The following FREM1 variants were observed in gnomAD, a reference collection of about 807,000 sequenced individuals.
FREM1 encodes the protein FRAS1-related extracellular matrix protein 1.
In FREM1, 220 loss-of-function variants were observed where a neutral mutation model predicts 210.1. The observed-to-expected ratio is 1.05, with a 90% CI of 0.94 to 1.17. The LOEUF (loss-of-function observed/expected upper bound fraction) is 1.17. Ranked by LOEUF, FREM1 falls within the 50% of genes most tolerant of loss-of-function variation. FREM1 has a pLI of 0.00. For synonymous variants in FREM1, 1,189 were observed against 980.2 expected (o/e 1.21, Z -3.98); for missense variants, 3,454 against 2,675.5 (o/e 1.29, Z -6.42).
rs776264847 is a variant in FREM1 at position 14,769,809 on chromosome 9, T to C, written c.5119A>G (p.Ile1707Val). Reference sequence around the variant, plus strand: ...TTTACTTCCAAAGATGGGTTTATGATGTAAAGAATAGTCTTACTGTTTAAG... The same window carrying C: ...TTTACTTCCAAAGATGGGTTTATGACGTAAAGAATAGTCTTACTGTTTAAG... ...KDLNSKTILY[I>V]INPSLEVNSD... Residue 1707 changes from isoleucine (I) to valine (V), a missense_variant, in exon 27 of 37, where the codon ATC becomes GTC. Coordinates refer to ENST00000380880, the MANE Select transcript of FREM1 (RefSeq NM_001379081.2). 47 of 1,609,304 alleles carry C rather than the reference T, an allele frequency of 2.9e-5. No homozygotes were observed. Among genetic ancestry groups the C allele is most frequent in the Non-Finnish European group, 4.0e-5 (47 of 1,176,404 alleles).
rs59827471 is a variant in FREM1, at chr9:14,886,895, CAAAAAAAAAA to C, written c.-267-17661_-267-17652del. ...GAAGTGAGACAGTGAGACCTTGTTT[CAAAAAAAAAA>C]AAAAAAAAAAAAAAGAAGCTATCAA... On this transcript the variant is annotated intron_variant, in intron 1 of 36. Coordinates refer to ENST00000380880, the MANE Select transcript of FREM1 (RefSeq NM_001379081.2). Among the ~76,000 whole-genome samples, 61 of 95,484 alleles carry C rather than the reference CAAAAAAAAAA, an allele frequency of 6.4e-4. 1 individual carries two copies. Among genetic ancestry groups the C allele is most frequent in the South Asian group, 4.8e-3 (12 of 2,520 alleles). The allele number at this position is 95,484 out of a possible 152,430, so 62.6% of individuals were successfully genotyped here.
At chr9:14,896,961 T>G (rs375170269) in intron 1 of FREM1, among the ~76,000 whole-genome samples, 1 of 152,230 alleles carries the variant, frequency 6.6e-6, no homozygotes, top group South Asian at 2.1e-4. Context: ...AACTCACAGA[T>G]GTCTGCAGCA....
At chr9:14,886,354 C>G (rs1388500085) in intron 1 of FREM1, among the ~76,000 whole-genome samples, 1 of 129,826 alleles carries the variant, frequency 7.7e-6, no homozygotes, top group African/African-American at 3.0e-5. Flanking sequence ...CCACTGCACT[C>G]CAGCCTGGTG....
chr9:14,902,524 A>T (rs914445139), intron 1 of FREM1, among the ~76,000 whole-genome samples: 1 of 152,138 alleles, frequency 6.6e-6, no homozygotes, highest in Non-Finnish European at 1.5e-5. Flanking sequence ...GTAAATGAAG[A>T]CCAATATTTT....
intron 2 of FREM1, among the ~76,000 whole-genome samples, chr9:14,864,376 T>TC (rs1588463159): frequency 1.3e-5 from 2 of 152,202 alleles, no homozygotes; most frequent in African/African-American, 4.8e-5. Context: ...TCTTTTTTTT[T>TC]CCGAATAGTA....
At chr9:14,829,177 T>G (rs1823071791) in intron 10 of FREM1, among the ~76,000 whole-genome samples, 1 of 152,234 alleles carries the variant, frequency 6.6e-6, no homozygotes, top group African/African-American at 2.4e-5. Flanking sequence ...ATGTCCTGTT[T>G]GAGATTTTAA....
At chr9:14,855,154 A>T (rs1828502608) in intron 5 of FREM1, among the ~76,000 whole-genome samples, 1 of 152,096 alleles carries the variant, frequency 6.6e-6, no homozygotes, top group Admixed American at 6.5e-5. Context: ...TCTGTAAGAA[A>T]ATTATAGGCC....
At chr9:14,788,893 G>A in intron 23 of FREM1, 26 bp downstream of exon 23, 2 of 1,589,268 alleles carry the variant, frequency 1.3e-6, no homozygotes, top group Non-Finnish European at 1.7e-6. Context: ...GTTGATCCCA[G>A]TAAACCTTGG....
At chr9:14,748,370 A>T in intron 31 of FREM1, 31 bp downstream of exon 31, 1 of 1,207,852 alleles carries the variant, frequency 8.3e-7, no homozygotes, top group Non-Finnish European at 1.2e-6. Context: ...TGTATTTTGC[A>T]CATCATTTCC....
In FREM1 at chr9:14,812,930, C is replaced by A. The variant is rs1312442387; in HGVS notation, c.2775G>T (p.Lys925Asn). Residue 925 changes from lysine to asparagine, a missense_variant, in exon 16 of 37, where the codon AAG (lysine) becomes AAT (asparagine). Transcript: ENST00000380880. ...GTTCGCGAGCAATCACAAACATCAA[C>A]TTCAAGTTATCGCTGTCCACATCAG... ...FATDVDSDNL[K>N]LMFVIAREPQ... is the part of the protein sequence containing the mutation. 1 of 1,613,978 alleles carries A rather than the reference C, an allele frequency of 6.2e-7. No homozygotes were observed.
chr9:14,825,472 G>A (rs892014765), intron 10 of FREM1, among the ~76,000 whole-genome samples: 6 of 113,078 alleles, frequency 5.3e-5, no homozygotes, highest in African/African-American at 2.1e-4. Context: ...TGGATGACAA[G>A]AATGAGACTC....
chr9:14,889,542 T>G (rs1216981220), intron 1 of FREM1, among the ~76,000 whole-genome samples: 1 of 152,270 alleles, frequency 6.6e-6, no homozygotes, highest in Non-Finnish European at 1.5e-5. Flanking sequence ...GATGGGAATC[T>G]CAGTTCTGAC....
rs561297793 is a variant in FREM1 at position 14,791,945 on chromosome 9, C to T, written c.3981+798G>A. 4.6e-5 allele frequency among the ~76,000 whole-genome samples: 7 copies of T among 151,976 alleles called. No individual in the cohort carries two copies. The East Asian group carries it at 1.4e-3, about 29-fold the overall frequency. The stretch of plus-strand genomic sequence containing the variant: ...CCCCCTCTCCCGGGTTCAAGTAATT[C>T]TCCTGCCTCCGCCTGCAGAGTAATG... On this transcript the variant is annotated intron_variant, in intron 22 of 36. Coordinates refer to ENST00000380880, the MANE Select transcript of FREM1 (RefSeq NM_001379081.2).
rs747665116 is a variant in FREM1, at chr9:14,746,954, A to G, written c.6107T>C (p.Ile2036Thr). 1.6e-5 allele frequency: 26 copies of G among 1,613,216 alleles called. No homozygotes were observed. In the African/African-American group the frequency reaches 3.2e-4, roughly 20 times the overall value. ...TTGGGGACTCCAGGCTTTCCAGGCG[A>G]TCCCATTGCACTGATACAGCTTCTG... is the stretch of plus-strand genomic sequence containing the variant. ...GIQKLYQCNG[I>T]AWKAWSPQTK... Residue 2036 changes from isoleucine (I) to threonine (T), a missense_variant, in exon 34 of 37, where the codon ATC becomes ACC. Coordinates refer to ENST00000380880, the MANE Select transcript of FREM1 (RefSeq NM_001379081.2).
intron 10 of FREM1, among the ~76,000 whole-genome samples, chr9:14,833,752 T>A (rs769749978): frequency 6.6e-6 from 1 of 152,210 alleles, no homozygotes; most frequent in Non-Finnish European, 1.5e-5. Flanking sequence ...AAGGCCTTTA[T>A]GTTTTTCTTT....
At chr9:14,908,058 T>G (rs7034380) in intron 1 of FREM1, among the ~76,000 whole-genome samples, 95,641 of 151,926 alleles carry the variant, frequency 0.63, 30,439 homozygotes, top group African/African-American at 0.7. Context: ...CACCTAAATG[T>G]TTGGAATGAG....
chr9:14,801,773 T>C lies in FREM1; in HGVS notation c.3573A>G (p.Pro1191=), dbSNP rs375774862. The change falls in exon 20 of 37, where the codon CCA becomes CCG. Residue 1191 remains proline, a synonymous_variant. Transcript: ENST00000380880. ...DALLFSITQK[P]RHGLLIDRGF... ...CCCTATCGATGAGGAGGCCATGGCG[T>C]GGCTTTTGAGTGATGCTGAACAGCA... 2.3e-5 allele frequency: 37 copies of C among 1,613,866 alleles called. No homozygotes were observed. The highest frequency in any genetic ancestry group is 3.3e-5 in the Admixed American group (2 of 60,004).
intron 27 of FREM1, among the ~76,000 whole-genome samples, chr9:14,762,223 G>A (rs997794323): frequency 6.6e-6 from 1 of 152,186 alleles, no homozygotes; most frequent in East Asian, 1.9e-4. Context: ...TGGATTAGGG[G>A]AAAAGAGAGA....
chr9:14,784,161 C>A, intron 24 of FREM1: 1 of 474,744 alleles, frequency 2.1e-6, no homozygotes, highest in East Asian at 3.1e-5. Flanking sequence ...CACAGCTGCA[C>A]CAGAGCTGAA....
Sources: allele counts gnomAD v4.1 joint callset (sites outside exome capture counted in the v4.1 genomes callset), GRCh38; gene constraint gnomAD v4.1.1; transcripts MANE v1.5; gene names NCBI Gene and HGNC (gene_info 2026-07-23, HGNC 2026-07-21).